Variants in GFRAL observed in about 807,000 individuals in gnomAD.
GFRAL encodes the protein GDNF family receptor alpha like.
Under a neutral mutation model 45.4 loss-of-function variants are expected in GFRAL, and 36 were observed. The observed-to-expected ratio is 0.79, with a 90% CI of 0.61 to 1.05. The LOEUF is 1.05. Among genes scored for constraint, GFRAL ranks in the 50% least tolerant of loss-of-function variants. The pLI is 0.00. For missense variants in GFRAL, 507 were observed against 467.5 expected (o/e 1.08, Z -0.78); for synonymous variants, 166 against 154.1 (o/e 1.08, Z -0.57).
intron 3 of GFRAL, among the ~76,000 whole-genome samples, chr6:55,344,329 G>T (rs371540401): frequency 6.6e-6 from 1 of 152,136 alleles, no homozygotes; most frequent in African/African-American, 2.4e-5. Context: ...ACATCAAAAA[G>T]CTTATCCACC....
At chr6:55,362,068 A>G (rs1768283177) in intron 6 of GFRAL, among the ~76,000 whole-genome samples, 2 of 151,950 alleles carry the variant, frequency 1.3e-5, no homozygotes, top group Admixed American at 1.3e-4. Context: ...CCCAATGCTG[A>G]CCACTACCCA....
rs1768238124 is a variant in GFRAL, at chr6:55,359,115, T to G, written c.929T>G (p.Met310Arg). Reference sequence around the variant, plus strand: ...TCTTTGTGTAAGATTTTCCAGCACATGCTTCATAGAAAATCATGTTTCAGT... The same window carrying G: ...TCTTTGTGTAAGATTTTCCAGCACAGGCTTCATAGAAAATCATGTTTCAGT... ...EESLCKIFQHMLHRKSCFNYP... is the reference protein window; with the variant it reads ...EESLCKIFQHRLHRKSCFNYP... The change falls in exon 6 of 9, where the codon ATG becomes AGG. Residue 310 changes from methionine (M) to arginine (R), a missense_variant. Transcript: ENST00000340465. The G allele has an allele frequency of 6.2e-7, 1 of 1,611,796 alleles. No homozygotes were observed.
chr6:55,330,258 G>A (rs1014452209), intron 1 of GFRAL, among the ~76,000 whole-genome samples: 4 of 151,904 alleles, frequency 2.6e-5, no homozygotes, highest in African/African-American at 9.7e-5. Context: ...AATAACTTGG[G>A]TATAAGCCAA....
intron 6 of GFRAL, among the ~76,000 whole-genome samples, chr6:55,392,624 A>G (rs3846915): frequency 0.25 from 37,951 of 152,090 alleles, 6,279 homozygotes; most frequent in African/African-American, 0.47. Context: ...AACAATAAGA[A>G]TAGCACTTGA....
intron 8 of GFRAL, among the ~76,000 whole-genome samples, chr6:55,400,155 A>T (rs1768877611): frequency 5.9e-5 from 1 of 16,896 alleles, no homozygotes; most frequent in East Asian, 4.2e-3. Flanking sequence ...CCTTTAATTA[A>T]AAAAAACTCA....
Position 55,331,711 on chromosome 6 carries a change from C to G in GFRAL, c.23-4C>G. 1 of 1,594,000 alleles carries G rather than the reference C, an allele frequency of 6.3e-7. No individual in the cohort carries two copies. Among genetic ancestry groups the G allele is most frequent in the Non-Finnish European group, 8.5e-7 (1 of 1,173,246 alleles). On this transcript the variant is annotated splice_region_variant and splice_polypyrimidine_tract_variant and intron_variant, in intron 1 of 8. Transcript: ENST00000340465. ...CAACCTTGTTTTTGTTGTTGTTATT[C>G]AAGCTATGGGGTTAAGCTTGGAAAA...
intron 6 of GFRAL, among the ~76,000 whole-genome samples, chr6:55,362,075 C>T (rs192057248): frequency 5.3e-5 from 8 of 152,024 alleles, no homozygotes; most frequent in African/African-American, 1.9e-4. Context: ...CTGACCACTA[C>T]CCACTAAATT....
At chr6:55,355,987 G>A (rs1379353710) in intron 5 of GFRAL, among the ~76,000 whole-genome samples, 2 of 151,652 alleles carry the variant, frequency 1.3e-5, no homozygotes, top group African/African-American at 4.8e-5. Context: ...AAAAGATCAT[G>A]TTTTATGTCC....
At chr6:55,384,176 A>G (rs1434152925) in intron 6 of GFRAL, among the ~76,000 whole-genome samples, 1 of 151,804 alleles carries the variant, frequency 6.6e-6, no homozygotes, top group East Asian at 1.9e-4. Flanking sequence ...AATGTAGATG[A>G]TGGGTTGATA....
At chr6:55,392,633 G>A (rs1444558837) in intron 6 of GFRAL, among the ~76,000 whole-genome samples, 2 of 152,122 alleles carry the variant, frequency 1.3e-5, no homozygotes, top group Non-Finnish European at 2.9e-5. Context: ...AATAGCACTT[G>A]AAAGGTCAGG....
At chr6:55,393,212 C>A (rs952673964) in intron 6 of GFRAL, among the ~76,000 whole-genome samples, 24 of 152,064 alleles carry the variant, frequency 1.6e-4, no homozygotes, top group African/African-American at 5.8e-4. Context: ...TAAAATATAT[C>A]CCCTGGAGAA....
At chr6:55,331,429 T>C (rs894978720) in intron 1 of GFRAL, among the ~76,000 whole-genome samples, 3 of 152,148 alleles carry the variant, frequency 2.0e-5, no homozygotes, top group African/African-American at 7.2e-5. Context: ...TAGAGACTTT[T>C]TTAAGAGCAG....
chr6:55,350,974 G>T (rs1768108470), intron 4 of GFRAL, among the ~76,000 whole-genome samples: 1 of 152,000 alleles, frequency 6.6e-6, no homozygotes, highest in African/African-American at 2.4e-5. Flanking sequence ...GAAAACCTTG[G>T]ACTGGGAGAT....
rs969675546 is a variant in GFRAL at position 55,350,088 on chromosome 6, C to T, written c.317-4C>T. 1 of 1,497,044 alleles carries T rather than the reference C, an allele frequency of 6.7e-7. No individual in the cohort carries two copies. The highest frequency in any genetic ancestry group is 1.7e-5 in the Admixed American group (1 of 59,326). 92.7% of individuals were successfully genotyped at this position (1,497,044 alleles called of 1,614,324 possible). ...ATGAAATAATTTCTTTGTTTTCCTT[C>T]TAGATAACGTGAAAGAGGATAAATT... On this transcript the variant is annotated splice_region_variant and splice_polypyrimidine_tract_variant and intron_variant, in intron 3 of 8. Transcript: ENST00000340465.
At chr6:55,342,820 G>A (rs567408788) in intron 3 of GFRAL, among the ~76,000 whole-genome samples, 3,735 of 152,140 alleles carry the variant, frequency 0.025, 157 homozygotes, top group African/African-American at 0.084. Flanking sequence ...CAAAATAAAA[G>A]GATGGAGGAA....
intron 2 of GFRAL, 151 bp downstream of exon 2, chr6:55,332,000 T>C (rs1443625372): frequency 1.1e-5 from 7 of 664,378 alleles, no homozygotes; most frequent in African/African-American, 1.9e-5. Flanking sequence ...AATCATGTAT[T>C]AGCAAATTTA....
intron 5 of GFRAL, among the ~76,000 whole-genome samples, chr6:55,352,783 C>T (rs1451429807): frequency 6.6e-6 from 1 of 152,006 alleles, no homozygotes; most frequent in East Asian, 1.9e-4. Flanking sequence ...ATTCATTCTC[C>T]TCTTTCTAAC....
At chr6:55,367,619 T>C (rs1768383159) in intron 6 of GFRAL, among the ~76,000 whole-genome samples, 1 of 151,624 alleles carries the variant, frequency 6.6e-6, no homozygotes. Context: ...CTTCAGGAAC[T>C]CTTGTAAGGC....
intron 6 of GFRAL, among the ~76,000 whole-genome samples, chr6:55,395,516 C>T (rs972995333): frequency 6.6e-6 from 1 of 151,640 alleles, no homozygotes; most frequent in Non-Finnish European, 1.5e-5. Context: ...GAAACTCATT[C>T]TAGATACAGG....
Sources: allele counts gnomAD v4.1 joint callset (sites outside exome capture counted in the v4.1 genomes callset), GRCh38; gene constraint gnomAD v4.1.1; transcripts MANE v1.5; gene names NCBI Gene and HGNC (gene_info 2026-07-23, HGNC 2026-07-21).